HMGN5: variants seen among roughly 807,000 people sequenced by gnomAD.
HMGN5 encodes high mobility group nucleosome-binding domain-containing protein 5.
A neutral mutation model predicts 9.5 loss-of-function variants in HMGN5; 4 were observed. That is an observed-to-expected ratio of 0.42 (90% CI 0.21 to 0.96). The LOEUF (loss-of-function observed/expected upper bound fraction) is 0.96. Ranked by LOEUF, HMGN5 falls within the 40% of genes least tolerant of loss-of-function variation. The pLI, the probability that HMGN5 is intolerant of heterozygous loss-of-function variation, is 0.30. For synonymous variants in HMGN5, 55 were observed against 57.1 expected (o/e 0.96, Z 0.16); for missense variants, 192 against 187.5 (o/e 1.02, Z -0.14).
At chrX:81,153,550 C>CCCCTCTCT (rs2075371831) in intron 1 of HMGN5, among the ~76,000 whole-genome samples, 1 of 4,487 alleles carries the variant, frequency 2.2e-4, no homozygotes, top group Admixed American at 3.0e-3. Flanking sequence ...CGAAACTCTG[C>CCCCTCTCT]CTCTCTCTCT....
chrX:81,168,766 G>A (rs1015646688), intron 1 of HMGN5, among the ~76,000 whole-genome samples: 4 of 111,773 alleles, frequency 3.6e-5, no homozygotes, highest in African/African-American at 9.8e-5. Flanking sequence ...CTAATACAGC[G>A]GGTCTACAAG....
intron 2 of HMGN5, 140 bp from the exon 3 acceptor site, chrX:81,119,957 G>A (rs1334125820): frequency 3.8e-6 from 2 of 533,333 alleles, no homozygotes; most frequent in Non-Finnish European, 6.3e-6. Context: ...GACACGTGTT[G>A]TTTCTTAGGA....
Position 81,114,792 on chromosome X carries a change from C to T in HMGN5, c.706G>A (p.Glu236Lys). The T allele has an allele frequency of 8.6e-7, 1 of 1,161,471 alleles. No individual in the cohort carries two copies. The highest frequency in any genetic ancestry group is 2.0e-5 in the South Asian group (1 of 51,248). ...VKVKEDEKER[E>K]DGKEDEGGNE... ...CCACCTTCATCTTCTTTTCCATCTT[C>T]TCTCTCTTTTTCATCTTCTTTGACT... The change falls in exon 7 of 7, where the codon GAA becomes AAA. Residue 236 changes from glutamate to lysine, a missense_variant. Physicochemically the swap from Glu to Lys is moderately conservative, Grantham distance 56. Coordinates refer to ENST00000358130, the MANE Select transcript of HMGN5 (RefSeq NM_030763.3).
chrX:81,159,404 A>G (rs2075392624), intron 1 of HMGN5, among the ~76,000 whole-genome samples: 1 of 111,511 alleles, frequency 9.0e-6, no homozygotes, highest in Admixed American at 9.6e-5. Context: ...AAAAATAAAA[A>G]TTTAAAAAAA....
At chrX:81,148,087 C>T (rs765780999) in intron 1 of HMGN5, among the ~76,000 whole-genome samples, 1 of 111,978 alleles carries the variant, frequency 8.9e-6, no homozygotes, top group East Asian at 2.8e-4. Context: ...AATGCTATCC[C>T]CATCAAGCTA....
intron 1 of HMGN5, among the ~76,000 whole-genome samples, chrX:81,179,766 A>C (rs746699135): frequency 7.2e-5 from 8 of 111,592 alleles, no homozygotes; most frequent in East Asian, 2.8e-4. Flanking sequence ...GCAAAAAGAA[A>C]AAAGCTGGAG....
rs899728461 is a variant in HMGN5 at position 81,120,991 on chromosome X, T to C, written c.15+544A>G. ...CTCTGTTCTCTAGGACAGTTTGAAG[T>C]CTGCGCCGCCTAATGGCACAGGATT... is the stretch of plus-strand genomic sequence containing the variant. On this transcript the variant is annotated intron_variant, in intron 2 of 6. Transcript: ENST00000358130. 4.6e-5 allele frequency among the ~76,000 whole-genome samples: 5 copies of C among 109,584 alleles called. No homozygotes were observed. The East Asian group carries it at 1.4e-3, about 31-fold the overall frequency.
chrX:81,121,065 G>GAA (rs774488686), intron 2 of HMGN5, among the ~76,000 whole-genome samples: 1 of 97,327 alleles, frequency 1.0e-5, no homozygotes, highest in South Asian at 4.7e-4. Context: ...AGGAGGGAAG[G>GAA]AAAAAAAAAA....
chrX:81,146,553 C>T (rs951047403), intron 1 of HMGN5, among the ~76,000 whole-genome samples: 5 of 111,564 alleles, frequency 4.5e-5, no homozygotes, highest in African/African-American at 1.6e-4. Flanking sequence ...AAAGAAAGAT[C>T]TAAAATCAAC....
At chrX:81,153,166 A>T (rs977878507) in intron 1 of HMGN5, among the ~76,000 whole-genome samples, 1 of 109,083 alleles carries the variant, frequency 9.2e-6, no homozygotes, top group Non-Finnish European at 1.9e-5. Flanking sequence ...AAAAATAAAA[A>T]AATAAAAAAA....
chrX:81,188,619 C>T (rs2075485130), intron 1 of HMGN5, among the ~76,000 whole-genome samples: 1 of 109,533 alleles, frequency 9.1e-6, no homozygotes, highest in African/African-American at 3.3e-5. Context: ...AACGCTATCC[C>T]TCCCCCCTCT....
intron 1 of HMGN5, among the ~76,000 whole-genome samples, chrX:81,157,909 A>G (rs1237968985): frequency 1.8e-5 from 2 of 109,777 alleles, no homozygotes; most frequent in East Asian, 5.8e-4. Context: ...CCTCCCAAGT[A>G]GCTGAGACTA....
At position 81,175,746 on chromosome X, in the gene HMGN5, G is replaced by A. The variant is rs73631728; in HGVS notation, c.-124+25991C>T. On this transcript the variant is annotated intron_variant, in intron 1 of 6. Coordinates refer to ENST00000358130, the MANE Select transcript of HMGN5 (RefSeq NM_030763.3). Reference sequence around the variant, plus strand: ...CTGTTATGGAGCATGCCTTTACCCCGTTGGAGCCCCTGCTTTCCACTGAAG... The same window carrying A: ...CTGTTATGGAGCATGCCTTTACCCCATTGGAGCCCCTGCTTTCCACTGAAG... Among the ~76,000 whole-genome samples, 360 of 111,290 alleles carry A rather than the reference G, an allele frequency of 3.2e-3. 1 individual carries two copies. Among genetic ancestry groups the A allele is most frequent in the African/African-American group, 0.011 (330 of 30,653 alleles).
At position 81,114,590 on chromosome X, in the gene HMGN5, T is replaced by TA. The variant is rs1039776988; in HGVS notation, c.*58dup. On this transcript the variant is annotated 3_prime_UTR_variant, in exon 7 of 7. Coordinates refer to ENST00000358130, the MANE Select transcript of HMGN5 (RefSeq NM_030763.3). ...AATTTTTGATAAAAATATTTATCTC[T>TA]ATTAACTTTACAACATGAAGGTACA... The TA allele has an allele frequency of 2.0e-6, 2 of 996,581 alleles. No individual in the cohort carries two copies. The highest frequency in any genetic ancestry group is 2.6e-6 in the Non-Finnish European group (2 of 773,609). 82.1% of individuals were successfully genotyped at this position (996,581 alleles called of 1,213,427 possible).
At chrX:81,183,784 T>A (rs2147646003) in intron 1 of HMGN5, among the ~76,000 whole-genome samples, 1 of 112,928 alleles carries the variant, frequency 8.9e-6, no homozygotes, top group South Asian at 3.6e-4. Flanking sequence ...ATGTAATAAA[T>A]TTCTTTCTGG....
chrX:81,189,659 T>A (rs1951590139), intron 1 of HMGN5, among the ~76,000 whole-genome samples: 1 of 112,345 alleles, frequency 8.9e-6, no homozygotes, highest in Admixed American at 9.4e-5. Flanking sequence ...TGCTTCCAAG[T>A]GTAGGCAATT....
chrX:81,185,877 T>C (rs1313687728), intron 1 of HMGN5, among the ~76,000 whole-genome samples: 2 of 111,742 alleles, frequency 1.8e-5, no homozygotes, highest in Non-Finnish European at 3.8e-5. Context: ...AATAATCATA[T>C]GATTTTAGTC....
intron 1 of HMGN5, among the ~76,000 whole-genome samples, chrX:81,189,843 A>G (rs78898561): frequency 3.6e-5 from 4 of 112,012 alleles, no homozygotes; most frequent in Non-Finnish European, 7.5e-5. Context: ...TTGCATTTCC[A>G]CCAGCAATGA....
At chrX:81,154,558 A>T (rs755578425) in intron 1 of HMGN5, among the ~76,000 whole-genome samples, 6 of 111,416 alleles carry the variant, frequency 5.4e-5, no homozygotes, top group Non-Finnish European at 9.4e-5. Context: ...CAAAAGAAAC[A>T]ATCAACAAAG....
Sources: allele counts gnomAD v4.1 joint callset (sites outside exome capture counted in the v4.1 genomes callset), GRCh38; gene constraint gnomAD v4.1.1; transcripts MANE v1.5; gene names NCBI Gene and HGNC (gene_info 2026-07-23, HGNC 2026-07-21).